The following PHACTR3 variants were observed in gnomAD, a reference collection of about 807,000 sequenced individuals.
PHACTR3 encodes the protein phosphatase and actin regulator 3, also known as protein phosphatase 1, regulatory subunit 123.
PHACTR3 carries 16 observed loss-of-function variants against 66.8 expected under a neutral mutation model. The ratio of observed to expected loss-of-function variants is 0.24; its 90% CI spans 0.16 to 0.36. PHACTR3 has a LOEUF of 0.36. Ranked by LOEUF, PHACTR3 falls within the 10% of genes least tolerant of loss-of-function variation. The pLI is 1.00. For missense variants in PHACTR3, 647 were observed against 719.9 expected (o/e 0.90, Z 1.16); for synonymous variants, 323 against 292.1 (o/e 1.11, Z -1.08).
At chr20:59,731,184 T>C (rs1388443873) in intron 1 of PHACTR3, among the ~76,000 whole-genome samples, 3 of 152,220 alleles carry the variant, frequency 2.0e-5, no homozygotes, top group Admixed American at 6.5e-5. Context: ...TCTAAATTTC[T>C]ACTACAATAC....
At chr20:59,844,377 T>C (rs939236875) in intron 11 of PHACTR3, 3 of 152,108 alleles carry the variant, frequency 2.0e-5, no homozygotes, top group African/African-American at 4.8e-5. Context: ...CACTGCAGCA[T>C]TATTAACAAT....
intron 1 of PHACTR3, among the ~76,000 whole-genome samples, chr20:59,729,324 CTG>C (rs1392958850): frequency 6.6e-6 from 1 of 152,078 alleles, no homozygotes; most frequent in Non-Finnish European, 1.5e-5. Context: ...GGCCTCAGGA[CTG>C]TGAGGGCAGG....
chr20:59,833,526 T>C (rs991028575), intron 8 of PHACTR3, among the ~76,000 whole-genome samples: 2 of 152,030 alleles, frequency 1.3e-5, no homozygotes, highest in Non-Finnish European at 2.9e-5. Context: ...TCATTTTGGA[T>C]GAGAAAGACA....
intron 1 of PHACTR3, among the ~76,000 whole-genome samples, chr20:59,686,957 T>C (rs1480638248): frequency 1.3e-5 from 2 of 151,510 alleles, no homozygotes; most frequent in Admixed American, 6.6e-5. Context: ...GTGATTGTGA[T>C]GATGATGGTG....
At chr20:59,744,692 A>T (rs1245174887) in intron 2 of PHACTR3, among the ~76,000 whole-genome samples, 2 of 152,222 alleles carry the variant, frequency 1.3e-5, no homozygotes, top group African/African-American at 4.8e-5. Context: ...ATTTTTACCA[A>T]CCAAGAAGTT....
At position 59,653,500 on chromosome 20, in the gene PHACTR3, T is replaced by C. The variant is rs116521343; in HGVS notation, c.118+48368T>C. ...CACTCGGCTGTGAGAAAGTAATTTC[T>C]TTAAGTAACACTAAAACCCAGTATT... On this transcript the variant is annotated intron_variant, in intron 1 of 12. Transcript: ENST00000371015. Among the ~76,000 whole-genome samples, 1,457 of 152,304 alleles carry C rather than the reference T, an allele frequency of 9.6e-3. 31 individuals are homozygous for C. Among genetic ancestry groups the C allele is most frequent in the African/African-American group, 0.033 (1,370 of 41,554 alleles).
At chr20:59,588,220 A>G (rs1039941489) in intron 1 of PHACTR3, among the ~76,000 whole-genome samples, 1 of 152,230 alleles carries the variant, frequency 6.6e-6, no homozygotes, top group Non-Finnish European at 1.5e-5. Flanking sequence ...TCTGATTTGT[A>G]GCAGTAATAG....
chr20:59,809,272 G>C (rs1327215515), intron 8 of PHACTR3, among the ~76,000 whole-genome samples: 2 of 152,126 alleles, frequency 1.3e-5, no homozygotes, highest in African/African-American at 4.8e-5. Context: ...GTGTTACAGA[G>C]TTGTGCTTGG....
chr20:59,610,197 T>C (rs946373790), intron 1 of PHACTR3, among the ~76,000 whole-genome samples: 2 of 152,226 alleles, frequency 1.3e-5, no homozygotes, highest in African/African-American at 4.8e-5. Context: ...AGAGGTTGCA[T>C]GGAGCTGACA....
chr20:59,688,056 C>A (rs952480343), intron 1 of PHACTR3, among the ~76,000 whole-genome samples: 6 of 152,050 alleles, frequency 3.9e-5, no homozygotes, highest in African/African-American at 1.5e-4. Context: ...TGGGGTCTTG[C>A]CAGAATGGAA....
chr20:59,743,663 C>A (rs1002395079), intron 2 of PHACTR3, among the ~76,000 whole-genome samples: 1 of 152,244 alleles, frequency 6.6e-6, no homozygotes, highest in African/African-American at 2.4e-5. Flanking sequence ...ACGCGACTCC[C>A]GCACCACCTC....
intron 7 of PHACTR3, among the ~76,000 whole-genome samples, chr20:59,803,272 T>C (rs1474362269): frequency 1.3e-5 from 2 of 152,254 alleles, no homozygotes; most frequent in Non-Finnish European, 2.9e-5. Flanking sequence ...TAAACATTCC[T>C]TGTTTTGCTG....
chr20:59,610,921 G>T (rs1317505314), intron 1 of PHACTR3, among the ~76,000 whole-genome samples: 1 of 152,198 alleles, frequency 6.6e-6, no homozygotes, highest in African/African-American at 2.4e-5. Context: ...GAAAGGGAGG[G>T]TACCCAGCAG....
chr20:59,605,164 C>CAG, intron 1 of PHACTR3, 32 bp downstream of exon 1: 1 of 1,145,878 alleles, frequency 8.7e-7, no homozygotes, highest in Non-Finnish European at 1.1e-6. Context: ...GCGGGCGGGT[C>CAG]GGGGAGGCCC....
chr20:59,762,468 T>A (rs192362906), intron 4 of PHACTR3, among the ~76,000 whole-genome samples: 1 of 152,330 alleles, frequency 6.6e-6, no homozygotes, highest in African/African-American at 2.4e-5. Context: ...GCTTGTCCAG[T>A]GTTCAGTGGT....
intron 1 of PHACTR3, among the ~76,000 whole-genome samples, chr20:59,725,609 T>G (rs1389787519): frequency 1.3e-5 from 2 of 152,114 alleles, no homozygotes. Flanking sequence ...AGCAAGTAAT[T>G]TATAAGAAAG....
chr20:59,670,619 A>G (rs1395139280), intron 1 of PHACTR3, among the ~76,000 whole-genome samples: 13 of 99,026 alleles, frequency 1.3e-4, no homozygotes, highest in African/African-American at 1.4e-4. Flanking sequence ...GGGGGGGGGC[A>G]GGCACTTTTA....
chr20:59,785,312 C>G (rs1459150585), intron 7 of PHACTR3, among the ~76,000 whole-genome samples: 1 of 152,142 alleles, frequency 6.6e-6, no homozygotes, highest in Non-Finnish European at 1.5e-5. Flanking sequence ...TACAGGGACA[C>G]CAGTTCCATC....
rs536892468 is a variant in PHACTR3, at chr20:59,830,803, C to T, written c.1329-5702C>T. The stretch of plus-strand genomic sequence containing the variant: ...GAGGCTCAAGTAAGGGAGGGCGTGA[C>T]GCCATCACCCAGCTGGCAGGGGTCA... On this transcript the variant is annotated intron_variant, in intron 8 of 12. Coordinates refer to ENST00000371015, the MANE Select transcript of PHACTR3 (RefSeq NM_080672.5). The surrounding 1 kb of genome is among the most constrained non-coding windows in gnomAD (Gnocchi z 5.8). Among the ~76,000 whole-genome samples, 18 of 152,250 alleles carry T rather than the reference C, an allele frequency of 1.2e-4. No homozygotes were observed. Among genetic ancestry groups the T allele is most frequent in the South Asian group, 2.1e-4 (1 of 4,820 alleles).
Sources: gnomAD v4.1 joint callset for allele counts (sites outside exome capture counted in the v4.1 genomes callset) on GRCh38, gnomAD v4.1.1 for gene constraint, Gnocchi (gnomAD v3.1) non-coding constraint, MANE v1.5 for transcripts, NCBI Gene and HGNC (gene_info 2026-07-23, HGNC 2026-07-21) for gene names.